The following RGS6 variants were observed in gnomAD, a reference collection of about 807,000 sequenced individuals.
RGS6 encodes the protein regulator of G protein signaling 6, also known as regulator of G-protein signaling 6.
RGS6 carries 30 observed loss-of-function variants against 78.5 expected under a neutral mutation model. The ratio of observed to expected loss-of-function variants is 0.38; its 90% CI spans 0.29 to 0.52. The LOEUF (loss-of-function observed/expected upper bound fraction) is 0.52, where lower values mean the gene tolerates loss of function less well. Among genes scored for constraint, RGS6 ranks in the 20% least tolerant of loss-of-function variants. The pLI is 0.85. For synonymous variants in RGS6, 206 were observed against 206.0 expected (o/e 1.00, Z 0.00); for missense variants, 495 against 609.7 (o/e 0.81, Z 1.98).
At chr14:71,935,003 C>T (rs56874834) in intron 1 of RGS6, among the ~76,000 whole-genome samples, 5,923 of 152,188 alleles carry the variant, frequency 0.039, 394 homozygotes, top group African/African-American at 0.14. Context: ...TTGCAGTTAG[C>T]TTGTCTTAAT....
intron 12 of RGS6, 128 bp from the exon 13 acceptor site, chr14:72,495,024 G>A: frequency 1.6e-6 from 1 of 629,858 alleles, no homozygotes; most frequent in Non-Finnish European, 2.9e-6. Flanking sequence ...GTCAGAAGTG[G>A]GAGCGGAAAT....
intron 3 of RGS6, among the ~76,000 whole-genome samples, chr14:72,438,698 C>T (rs991105177): frequency 2.0e-5 from 3 of 152,220 alleles, no homozygotes; most frequent in Non-Finnish European, 2.9e-5. Flanking sequence ...CCTTCCATTT[C>T]TCTAACCCAG....
chr14:72,007,633 C>G (rs140724182), intron 2 of RGS6, among the ~76,000 whole-genome samples: 13 of 152,222 alleles, frequency 8.5e-5, no homozygotes, highest in African/African-American at 2.9e-4. Context: ...CAAGACAGTT[C>G]TTCTTCCTAT....
intron 2 of RGS6, among the ~76,000 whole-genome samples, chr14:71,998,157 C>T (rs2082738965): frequency 6.6e-6 from 1 of 152,160 alleles, no homozygotes; most frequent in African/African-American, 2.4e-5. Flanking sequence ...GGCAGGAAGA[C>T]TCAAAGCGGA....
intron 1 of RGS6, among the ~76,000 whole-genome samples, chr14:71,947,102 A>T (rs2152979578): frequency 6.6e-6 from 1 of 152,272 alleles, no homozygotes; most frequent in African/African-American, 2.4e-5. Context: ...GCTTTATTAC[A>T]GTTAGTGTAC....
At chr14:72,216,091 C>A (rs771954747) in intron 2 of RGS6, among the ~76,000 whole-genome samples, 9 of 152,298 alleles carry the variant, frequency 5.9e-5, no homozygotes, top group Admixed American at 1.3e-4. Flanking sequence ...CTAAAGATCT[C>A]ACGACAAACA....
chr14:72,459,824 G>C, intron 6 of RGS6, 141 bp downstream of exon 6: 1 of 797,190 alleles, frequency 1.3e-6, no homozygotes, highest in Non-Finnish European at 2.1e-6. Context: ...TCATATTGTT[G>C]CTATATAACA....
intron 2 of RGS6, among the ~76,000 whole-genome samples, chr14:72,182,554 T>C (rs1179126385): frequency 2.0e-5 from 3 of 152,174 alleles, no homozygotes; most frequent in African/African-American, 7.2e-5. Flanking sequence ...CACCATGGCT[T>C]TTTAATTCCC....
intron 2 of RGS6, among the ~76,000 whole-genome samples, chr14:72,273,179 C>A (rs2060201510): frequency 6.6e-6 from 1 of 151,874 alleles, no homozygotes. Flanking sequence ...TGTACGGGTT[C>A]ACATATAATT....
At chr14:72,267,244 C>G (rs2059214346) in intron 2 of RGS6, among the ~76,000 whole-genome samples, 4 of 152,124 alleles carry the variant, frequency 2.6e-5, no homozygotes, top group African/African-American at 9.7e-5. Context: ...AGCCACTGCA[C>G]CCAGCCAATT....
intron 2 of RGS6, among the ~76,000 whole-genome samples, chr14:72,294,750 C>G (rs1354967759): frequency 6.6e-6 from 1 of 151,952 alleles, no homozygotes; most frequent in Non-Finnish European, 1.5e-5. Context: ...AGAACCAGAT[C>G]TCGTGAGAAC....
At position 71,988,971 on chromosome 14, in the gene RGS6, T is replaced by A. The variant is rs563204144; in HGVS notation, c.84+24096T>A. Among the ~76,000 whole-genome samples, 6 of 152,334 alleles carry A rather than the reference T, an allele frequency of 3.9e-5. No individual in the cohort carries two copies. The South Asian group carries it at 6.2e-4, about 16-fold the overall frequency. Reference sequence around the variant, plus strand: ...TTGATGAGATTTTTGTTTGTTTTTTTAAAATAAAAAACAGGCATATTGAGC... The same window carrying A: ...TTGATGAGATTTTTGTTTGTTTTTTAAAAATAAAAAACAGGCATATTGAGC... On this transcript the variant is annotated intron_variant, in intron 2 of 17. Coordinates refer to ENST00000553525, the MANE Select transcript of RGS6 (RefSeq NM_001204424.2).
At chr14:72,287,418 A>G (rs777843465) in intron 2 of RGS6, among the ~76,000 whole-genome samples, 3 of 152,092 alleles carry the variant, frequency 2.0e-5, no homozygotes, top group South Asian at 2.1e-4. Flanking sequence ...TTTCGTTAGT[A>G]TAATGTTAAC....
At chr14:71,891,165 C>T in the RGS6 span, among the ~76,000 whole-genome samples, 1 of 152,218 alleles carries the variant, frequency 6.6e-6, no homozygotes, top group Non-Finnish European at 1.5e-5. Flanking sequence ...GTAAAATTCT[C>T]ACCCAGATCT....
intron 2 of RGS6, among the ~76,000 whole-genome samples, chr14:72,253,202 C>G (rs544132271): frequency 3.3e-5 from 5 of 152,360 alleles, no homozygotes; most frequent in Non-Finnish European, 7.3e-5. Flanking sequence ...CTCAGCCATG[C>G]TCTTCTCTCT....
In RGS6 at chr14:72,458,315, A is replaced by G; in HGVS notation, c.280A>G (p.Ile94Val). The G allele has an allele frequency of 6.2e-7, 1 of 1,614,156 alleles. No homozygotes were observed. The highest frequency in any genetic ancestry group is 8.5e-7 in the Non-Finnish European group (1 of 1,179,998). Residue 94 changes from isoleucine (I) to valine (V), a missense_variant, in exon 5 of 18, where the codon ATC (isoleucine) becomes GTC (valine). Physicochemically the swap from Ile to Val is conservative, Grantham distance 29 (BLOSUM62 3). Transcript: ENST00000553525. ...GAGCCTTATCGCTGCCCAGGGCTACATCTTTCCAATCTCAGACCATGTTCT... is the reference window on the plus strand; with the variant it reads ...GAGCCTTATCGCTGCCCAGGGCTACGTCTTTCCAATCTCAGACCATGTTCT... ...LGSLIAAQGY[I>V]FPISDHVLTM...
intron 3 of RGS6, among the ~76,000 whole-genome samples, chr14:72,382,104 C>T (rs189012136): frequency 6.6e-6 from 1 of 152,000 alleles, no homozygotes; most frequent in East Asian, 1.9e-4. Flanking sequence ...AAAATTTAGT[C>T]ACCTGCATTA....
chr14:72,289,333 C>G (rs930451324), intron 2 of RGS6, among the ~76,000 whole-genome samples: 53 of 148,926 alleles, frequency 3.6e-4, no homozygotes, highest in African/African-American at 1.2e-3. Flanking sequence ...CTTTCTTTCT[C>G]TCTCTCTCTC....
chr14:72,179,367 G>T (rs1005194953), intron 2 of RGS6, among the ~76,000 whole-genome samples: 6 of 152,120 alleles, frequency 3.9e-5, no homozygotes, highest in Non-Finnish European at 5.9e-5. Context: ...ATTTCTAGCC[G>T]GTCTCCCTGA....
Sources: gnomAD v4.1 joint callset for allele counts (sites outside exome capture counted in the v4.1 genomes callset) on GRCh38, gnomAD v4.1.1 for gene constraint, MANE v1.5 for transcripts, NCBI Gene and HGNC (gene_info 2026-07-23, HGNC 2026-07-21) for gene names.